The following COP1 variants were observed in gnomAD, a reference collection of about 807,000 sequenced individuals.
The protein encoded by COP1 is COP1 E3 ubiquitin ligase, also known as E3 ubiquitin-protein ligase COP1.
A neutral mutation model predicts 101.3 loss-of-function variants in COP1; 24 were observed. That is an observed-to-expected ratio of 0.24 (90% CI 0.17 to 0.33). The LOEUF (loss-of-function observed/expected upper bound fraction) is 0.33, where lower values mean the gene tolerates loss of function less well. Among genes scored for constraint, COP1 ranks in the 10% least tolerant of loss-of-function variants. COP1 has a pLI of 1.00. For synonymous variants in COP1, 347 were observed against 341.9 expected, an observed-to-expected ratio of 1.01 and a Z score of -0.17; for missense variants, 663 against 906.2, an observed-to-expected ratio of 0.73 and a Z score of 3.45.
At chr1:176,031,131 C>T (rs1668584905) in intron 14 of COP1, among the ~76,000 whole-genome samples, 1 of 152,166 alleles carries the variant, frequency 6.6e-6, no homozygotes, top group Non-Finnish European at 1.5e-5. Context: ...TAATTTTGGG[C>T]TTCTGGTCTT....
At chr1:176,111,894 ATC>A (rs1420061259) in intron 9 of COP1, among the ~76,000 whole-genome samples, 1 of 152,170 alleles carries the variant, frequency 6.6e-6, no homozygotes, top group Non-Finnish European at 1.5e-5. Flanking sequence ...TGTCAGCTCC[ATC>A]TCAACACTAG....
intron 11 of COP1, among the ~76,000 whole-genome samples, chr1:176,052,863 T>C (rs141843603): frequency 5.0e-4 from 76 of 152,280 alleles, no homozygotes; most frequent in Admixed American, 1.7e-3. Flanking sequence ...GCCATAGTAT[T>C]TTGACCATCA....
At chr1:176,017,898 C>T (rs1225540064) in intron 15 of COP1, among the ~76,000 whole-genome samples, 6 of 152,244 alleles carry the variant, frequency 3.9e-5, no homozygotes, top group African/African-American at 1.4e-4. Context: ...TCTCACTATA[C>T]TGTTTTAGAG....
Position 176,206,952 on chromosome 1 carries a change from C to T in COP1, c.27G>A (p.Ser9=), listed in dbSNP as rs1185678133. MSGSRQAG[S]GSAGTSPGSS... ...ACCCGGGGCTTGTCCCAGCGGAGCCCGACCCGGCCTGGCGGCTACCAGACA... is the reference window on the plus strand; with the variant it reads ...ACCCGGGGCTTGTCCCAGCGGAGCCTGACCCGGCCTGGCGGCTACCAGACA... The change falls in exon 1 of 20, where the codon TCG becomes TCA. Residue 9 remains serine (S), a synonymous_variant. Transcript: ENST00000367669. 28 of 1,441,870 alleles carry T rather than the reference C, an allele frequency of 1.9e-5. No individual in the cohort carries two copies. Among genetic ancestry groups the T allele is most frequent in the Non-Finnish European group, 2.5e-5 (28 of 1,101,696 alleles). The allele number at this position is 1,441,870 out of a possible 1,614,324, so 89.3% of individuals were successfully genotyped here.
At chr1:176,182,504 A>G (rs1329898186) in intron 2 of COP1, among the ~76,000 whole-genome samples, 1 of 152,250 alleles carries the variant, frequency 6.6e-6, no homozygotes, top group Non-Finnish European at 1.5e-5. Context: ...GTAGGGGTCA[A>G]GTATACTGCT....
At chr1:175,999,360 T>C (rs544919406) in intron 15 of COP1, among the ~76,000 whole-genome samples, 2 of 152,226 alleles carry the variant, frequency 1.3e-5, no homozygotes, top group African/African-American at 4.8e-5. Flanking sequence ...TCCGTGACGT[T>C]TGTCTTTCTA....
At position 176,134,870 on chromosome 1, in the gene COP1, T is replaced by C. The variant is rs539214236; in HGVS notation, c.968+140A>G. ...ACGCATTAAGGAAACAGATGGGCCA[T>C]ATGAATATCATTTCTAGATCATGAC... On this transcript the variant is annotated intron_variant, in intron 8 of 19. Transcript: ENST00000367669. The C allele has an allele frequency of 1.0e-3, 565 of 558,056 alleles. 1 individual carries two copies. Among genetic ancestry groups the C allele is most frequent in the Non-Finnish European group, 1.6e-3 (502 of 307,166 alleles). 34.6% of individuals were successfully genotyped at this position (558,056 alleles called of 1,614,324 possible).
chr1:176,195,488 A>G (rs989765347), intron 1 of COP1, among the ~76,000 whole-genome samples: 2 of 152,244 alleles, frequency 1.3e-5, no homozygotes, highest in African/African-American at 2.4e-5. Context: ...TGACATGTAT[A>G]GAACCTCAGC....
intron 5 of COP1, among the ~76,000 whole-genome samples, chr1:176,150,063 G>A (rs1692174624): frequency 6.6e-6 from 1 of 152,132 alleles, no homozygotes; most frequent in Non-Finnish European, 1.5e-5. Flanking sequence ...TGATCCTGTT[G>A]CTCTAGAAAA....
intron 15 of COP1, among the ~76,000 whole-genome samples, chr1:176,013,720 C>T (rs951686957): frequency 5.9e-5 from 9 of 152,104 alleles, no homozygotes; most frequent in South Asian, 2.1e-4. Context: ...TACAAAAGGA[C>T]CTTTTATAGC....
At chr1:176,003,581 T>G (rs1199084919) in intron 15 of COP1, among the ~76,000 whole-genome samples, 2 of 151,682 alleles carry the variant, frequency 1.3e-5, no homozygotes, top group Non-Finnish European at 3.0e-5. Context: ...CTAGCCAGTT[T>G]TCCCAGCACC....
intron 18 of COP1, among the ~76,000 whole-genome samples, chr1:175,980,876 T>C (rs1429625292): frequency 6.6e-6 from 1 of 152,104 alleles, no homozygotes; most frequent in African/African-American, 2.4e-5. Flanking sequence ...TCAAAAGAAG[T>C]TACTATGGAC....
intron 6 of COP1, among the ~76,000 whole-genome samples, chr1:176,137,303 T>G (rs1245485051): frequency 6.6e-6 from 1 of 152,210 alleles, no homozygotes; most frequent in Non-Finnish European, 1.5e-5. Context: ...TTAAGTTGCC[T>G]GCAAACTATC....
chr1:176,168,121 G>T (rs956560240), intron 3 of COP1, among the ~76,000 whole-genome samples: 1 of 151,418 alleles, frequency 6.6e-6, no homozygotes, highest in Non-Finnish European at 1.5e-5. Flanking sequence ...GCAATGGTGC[G>T]ATCTCGGCTC....
intron 3 of COP1, among the ~76,000 whole-genome samples, chr1:176,165,846 C>T (rs909944108): frequency 3.3e-5 from 5 of 151,998 alleles, no homozygotes; most frequent in East Asian, 3.9e-4. Context: ...AGATACCTTA[C>T]ACAAGAAAAG....
rs180924039 is a variant in COP1 at position 176,116,598 on chromosome 1, T to C, written c.1026+26A>G. ...TCAGATAATTATACTCATGGTATCA[T>C]TAAAGCAAACAAAGATATCGTTTAC... On this transcript the variant is annotated intron_variant, in intron 9 of 19. Coordinates refer to ENST00000367669, the MANE Select transcript of COP1 (RefSeq NM_022457.7). 3.4e-4 allele frequency: 525 copies of C among 1,563,438 alleles called. 2 individuals carry two copies. In the African/African-American group the frequency reaches 6.0e-3, roughly 18 times the overall value.
intron 3 of COP1, among the ~76,000 whole-genome samples, chr1:176,167,718 G>A (rs1388642334): frequency 6.6e-6 from 1 of 152,148 alleles, no homozygotes; most frequent in Non-Finnish European, 1.5e-5. Flanking sequence ...AGGCAGAACA[G>A]TACAGTAAAA....
chr1:176,139,959 T>C (rs928308447), intron 6 of COP1, among the ~76,000 whole-genome samples: 1 of 152,172 alleles, frequency 6.6e-6, no homozygotes, highest in Admixed American at 6.6e-5. Flanking sequence ...AAGTTGAAAT[T>C]ATATTTAAAA....
chr1:176,140,995 T>C (rs1690590613), intron 6 of COP1, among the ~76,000 whole-genome samples: 1 of 152,172 alleles, frequency 6.6e-6, no homozygotes, highest in Non-Finnish European at 1.5e-5. Context: ...ACGAAGATAA[T>C]AGATAGACTC....
Sources: gnomAD v4.1 joint callset for allele counts (sites outside exome capture counted in the v4.1 genomes callset) on GRCh38, gnomAD v4.1.1 for gene constraint, MANE v1.5 for transcripts, NCBI Gene and HGNC (gene_info 2026-07-23, HGNC 2026-07-21) for gene names.